CHST11: variants seen among roughly 807,000 people sequenced by gnomAD.
The protein encoded by CHST11 is C4S-1.
A neutral mutation model predicts 30.4 loss-of-function variants in CHST11; 9 were observed. The ratio of observed to expected loss-of-function variants is 0.30; its 90% CI spans 0.18 to 0.52. CHST11 has a LOEUF of 0.52. Among genes scored for constraint, CHST11 ranks in the 20% least tolerant of loss-of-function variants. CHST11 has a pLI of 0.97. For missense variants in CHST11, 348 were observed against 460.6 expected (o/e 0.76, Z 2.24); for synonymous variants, 152 against 187.8 (o/e 0.81, Z 1.56).
chr12:104,629,776 C>T (rs919051461), intron 2 of CHST11, among the ~76,000 whole-genome samples: 1 of 152,170 alleles, frequency 6.6e-6, no homozygotes, highest in Non-Finnish European at 1.5e-5. Flanking sequence ...GAGCTGAGGT[C>T]GCGGCACTGC....
chr12:104,507,097 G>A (rs2037914595), intron 1 of CHST11, among the ~76,000 whole-genome samples: 1 of 152,212 alleles, frequency 6.6e-6, no homozygotes, highest in African/African-American at 2.4e-5. Flanking sequence ...ATCTTTGGAG[G>A]GAAGGGTCTG....
chr12:104,737,182 G>A (rs1477766304), intron 2 of CHST11, among the ~76,000 whole-genome samples: 1 of 152,250 alleles, frequency 6.6e-6, no homozygotes, highest in Non-Finnish European at 1.5e-5. Context: ...GGGCTTCCCT[G>A]TACCCAGAAG....
intron 1 of CHST11, among the ~76,000 whole-genome samples, chr12:104,483,258 T>G (rs576612491): frequency 6.6e-6 from 1 of 152,228 alleles, no homozygotes; most frequent in East Asian, 1.9e-4. Flanking sequence ...CAGACTGGAG[T>G]GCAGTGACGT....
intron 1 of CHST11, among the ~76,000 whole-genome samples, chr12:104,591,048 A>T (rs1165095679): frequency 6.6e-6 from 1 of 152,146 alleles, no homozygotes. Flanking sequence ...GGCAGAGTAA[A>T]GAAGAGAACA....
intron 2 of CHST11, among the ~76,000 whole-genome samples, chr12:104,715,969 T>C (rs1370637227): frequency 2.0e-5 from 3 of 152,198 alleles, no homozygotes; most frequent in Admixed American, 1.3e-4. Flanking sequence ...CTGCAGAGAA[T>C]GAACAGTCAG....
At chr12:104,483,131 A>G (rs1593960900) in intron 1 of CHST11, among the ~76,000 whole-genome samples, 1 of 151,660 alleles carries the variant, frequency 6.6e-6, no homozygotes, top group Non-Finnish European at 1.5e-5. Context: ...CACCCTTCAC[A>G]CCCCATCCAT....
At chr12:104,468,171 G>A (rs1250913978) in intron 1 of CHST11, among the ~76,000 whole-genome samples, 1 of 150,934 alleles carries the variant, frequency 6.6e-6, no homozygotes, top group Non-Finnish European at 1.5e-5. Context: ...AGTGGTGGGG[G>A]GATTGAAATT....
chr12:104,567,817 A>G (rs1321643606), intron 1 of CHST11, among the ~76,000 whole-genome samples: 1 of 152,182 alleles, frequency 6.6e-6, no homozygotes, highest in East Asian at 1.9e-4. Context: ...CTCTGCCTTC[A>G]TGAATGGAAT....
intron 1 of CHST11, among the ~76,000 whole-genome samples, chr12:104,514,884 G>T (rs2038006493): frequency 6.6e-6 from 1 of 152,156 alleles, no homozygotes; most frequent in Non-Finnish European, 1.5e-5. Context: ...CTATATCAAT[G>T]AGTCACTTTG....
At chr12:104,494,433 AG>A (rs2037779766) in intron 1 of CHST11, among the ~76,000 whole-genome samples, 1 of 152,256 alleles carries the variant, frequency 6.6e-6, no homozygotes, top group South Asian at 2.1e-4. Flanking sequence ...AATGAAAAAC[AG>A]GGTCTCCACT....
chr12:104,571,164 ATT>A (rs56859963), intron 1 of CHST11, among the ~76,000 whole-genome samples: 1 of 142,834 alleles, frequency 7.0e-6, no homozygotes. Flanking sequence ...AGGACAGACA[ATT>A]TTTTTTTTTT....
chr12:104,705,062 TG>T (rs1370648380), intron 2 of CHST11, among the ~76,000 whole-genome samples: 1 of 152,200 alleles, frequency 6.6e-6, no homozygotes, highest in Non-Finnish European at 1.5e-5. Context: ...TCAGAGAGGA[TG>T]GGCCAGCTGT....
chr12:104,745,098 T>A (rs1202154310), intron 2 of CHST11, among the ~76,000 whole-genome samples: 1 of 152,190 alleles, frequency 6.6e-6, no homozygotes, highest in Non-Finnish European at 1.5e-5. Flanking sequence ...GTTCTCGAAC[T>A]CCTGACCTCA....
Position 104,457,495 on chromosome 12 carries a change from G to A in CHST11, c.84G>A (p.Leu28=), listed in dbSNP as rs1377824643. 14 of 1,613,914 alleles carry A rather than the reference G, an allele frequency of 8.7e-6. No individual in the cohort carries two copies. The South Asian group carries it at 1.1e-4, about 13-fold the overall frequency. The part of the protein sequence containing the change: ...VLATCLGSFI[L]VIFYFQSMLH... ...CCACTTGCTTGGGATCCTTTATCCT[G>A]GTCATCTTCTATTTCCAAAGTATGT... The change falls in exon 1 of 3, where the codon CTG becomes CTA. Residue 28 remains leucine (L), a synonymous_variant. Coordinates refer to ENST00000303694, the MANE Select transcript of CHST11 (RefSeq NM_018413.6).
chr12:104,566,047 C>T (rs947986077), intron 1 of CHST11, among the ~76,000 whole-genome samples: 2 of 152,326 alleles, frequency 1.3e-5, no homozygotes, highest in East Asian at 3.9e-4. Context: ...GTTCTAGATT[C>T]TCTGGACACA....
At chr12:104,725,255 C>A (rs1412924316) in intron 2 of CHST11, among the ~76,000 whole-genome samples, 1 of 152,220 alleles carries the variant, frequency 6.6e-6, no homozygotes, top group Non-Finnish European at 1.5e-5. Flanking sequence ...GTCAACACTT[C>A]AGGTTGTTTC....
At chr12:104,629,919 G>T (rs960552918) in intron 2 of CHST11, among the ~76,000 whole-genome samples, 2 of 152,130 alleles carry the variant, frequency 1.3e-5, no homozygotes, top group African/African-American at 4.8e-5. Context: ...ACCAACATTA[G>T]CCTACAGTTG....
intron 1 of CHST11, among the ~76,000 whole-genome samples, chr12:104,502,583 C>G (rs1473303780): frequency 6.6e-6 from 1 of 152,126 alleles, no homozygotes; most frequent in African/African-American, 2.4e-5. Context: ...TAGCCCTACT[C>G]CCCGCATCTG....
chr12:104,604,587 T>C (rs1205475071), intron 2 of CHST11, among the ~76,000 whole-genome samples: 1 of 152,178 alleles, frequency 6.6e-6, no homozygotes, highest in Non-Finnish European at 1.5e-5. Flanking sequence ...TTTGTGTCCA[T>C]GAGCCATTTA....
Sources: allele counts gnomAD v4.1 joint callset (sites outside exome capture counted in the v4.1 genomes callset), GRCh38; gene constraint gnomAD v4.1.1; transcripts MANE v1.5; gene names NCBI Gene and HGNC (gene_info 2026-07-23, HGNC 2026-07-21).